Variants in ADGRB3 observed in about 807,000 individuals in gnomAD.
The protein encoded by ADGRB3 is brain-specific angiogenesis inhibitor 3.
In ADGRB3, 37 loss-of-function variants were observed where a neutral mutation model predicts 193.4. That is an observed-to-expected ratio of 0.19 (90% CI 0.15 to 0.25). ADGRB3 has a LOEUF of 0.25. Ranked by LOEUF, ADGRB3 falls within the 10% of genes least tolerant of loss-of-function variation. ADGRB3 has a pLI of 1.00. For missense variants in ADGRB3, 1,637 were observed against 1,852.9 expected (o/e 0.88, Z 2.14); for synonymous variants, 690 against 644.2 (o/e 1.07, Z -1.08).
intron 17 of ADGRB3, among the ~76,000 whole-genome samples, chr6:69,088,871 G>A (rs1772627216): frequency 6.6e-6 from 1 of 152,066 alleles, no homozygotes; most frequent in Non-Finnish European, 1.5e-5. Flanking sequence ...AAGCTGCAGT[G>A]CCTGCAAAGT....
chr6:69,005,453 A>G (rs920341851), intron 11 of ADGRB3, among the ~76,000 whole-genome samples: 2 of 152,102 alleles, frequency 1.3e-5, no homozygotes, highest in African/African-American at 4.8e-5. Flanking sequence ...TGAGATTAGT[A>G]TGAAAGACAA....
chr6:69,352,558 A>G (rs1769247960), intron 26 of ADGRB3, among the ~76,000 whole-genome samples: 1 of 152,236 alleles, frequency 6.6e-6, no homozygotes, highest in Non-Finnish European at 1.5e-5. Context: ...CACAGACATT[A>G]TGGCCACATC....
intron 3 of ADGRB3, among the ~76,000 whole-genome samples, chr6:68,918,422 A>G (rs1457258683): frequency 6.6e-6 from 1 of 152,206 alleles, no homozygotes; most frequent in African/African-American, 2.4e-5. Flanking sequence ...CTGAAAATAC[A>G]AAATCACTGG....
At chr6:68,719,069 T>A (rs1182335449) in intron 3 of ADGRB3, among the ~76,000 whole-genome samples, 2 of 151,780 alleles carry the variant, frequency 1.3e-5, no homozygotes, top group Non-Finnish European at 2.9e-5. Context: ...TTGTAGAGAG[T>A]TGGTACTCTT....
chr6:68,863,062 T>C (rs1016241829), intron 3 of ADGRB3, among the ~76,000 whole-genome samples: 16 of 152,202 alleles, frequency 1.1e-4, no homozygotes, highest in African/African-American at 3.9e-4. Context: ...TAATAATTAC[T>C]ATATTTTTTG....
intron 17 of ADGRB3, chr6:69,233,047 G>A: frequency 1.9e-6 from 1 of 531,410 alleles, no homozygotes; most frequent in African/African-American, 1.9e-5. Context: ...CCCGGTTTCA[G>A]CACCTCCGGC....
At chr6:69,372,732 G>A (rs1452886369) in intron 30 of ADGRB3, among the ~76,000 whole-genome samples, 1 of 152,006 alleles carries the variant, frequency 6.6e-6, no homozygotes, top group Non-Finnish European at 1.5e-5. Flanking sequence ...GGTTGATTCA[G>A]TTTGTAGGGA....
chr6:69,050,352 G>T (rs1459455188), intron 15 of ADGRB3, among the ~76,000 whole-genome samples: 2 of 152,058 alleles, frequency 1.3e-5, no homozygotes, highest in African/African-American at 4.8e-5. Flanking sequence ...GTCATGCAGG[G>T]TCTCCTTCAA....
intron 20 of ADGRB3, among the ~76,000 whole-genome samples, chr6:69,257,413 C>T (rs1361858208): frequency 6.6e-6 from 1 of 152,182 alleles, no homozygotes; most frequent in Non-Finnish European, 1.5e-5. Flanking sequence ...GATTCAACTT[C>T]TTCCTGGTTT....
intron 20 of ADGRB3, among the ~76,000 whole-genome samples, chr6:69,322,423 C>G (rs957310028): frequency 6.6e-6 from 1 of 151,994 alleles, no homozygotes; most frequent in East Asian, 1.9e-4. Context: ...TCTGAGGAAT[C>G]GCCACACTGT....
intron 16 of ADGRB3, among the ~76,000 whole-genome samples, chr6:69,068,697 T>C (rs1029175638): frequency 2.0e-5 from 3 of 152,138 alleles, no homozygotes; most frequent in African/African-American, 7.2e-5. Context: ...TCTCAGAAAT[T>C]AGAGAAGCAA....
At chr6:68,860,371 C>G in intron 3 of ADGRB3, among the ~76,000 whole-genome samples, 1 of 152,112 alleles carries the variant, frequency 6.6e-6, no homozygotes, top group East Asian at 1.9e-4. Flanking sequence ...GTTGATTTTT[C>G]AACTCTAATA....
chr6:69,314,801 A>G (rs1255091171), intron 20 of ADGRB3, among the ~76,000 whole-genome samples: 1 of 151,538 alleles, frequency 6.6e-6, no homozygotes, highest in East Asian at 1.9e-4. Flanking sequence ...TGAAGTGATA[A>G]TAACAAAAGG....
At chr6:68,849,984 AAT>A (rs1487349652) in intron 3 of ADGRB3, among the ~76,000 whole-genome samples, 1 of 149,914 alleles carries the variant, frequency 6.7e-6, no homozygotes, top group Admixed American at 6.6e-5. Context: ...TCCTGTTTAA[AAT>A]ATGTGTGATA....
At chr6:68,796,358 T>C (rs964650738) in intron 3 of ADGRB3, among the ~76,000 whole-genome samples, 42 of 152,160 alleles carry the variant, frequency 2.8e-4, no homozygotes, top group Non-Finnish European at 5.9e-5. Context: ...TAATATATTA[T>C]ATGTCTAAAC....
chr6:68,972,146 C>A (rs1251200653), intron 8 of ADGRB3, among the ~76,000 whole-genome samples: 1 of 152,196 alleles, frequency 6.6e-6, no homozygotes, highest in Non-Finnish European at 1.5e-5. Flanking sequence ...TGTTTCTATT[C>A]CCAAGATATT....
chr6:68,792,711 A>G (rs535055640), intron 3 of ADGRB3, among the ~76,000 whole-genome samples: 1 of 152,130 alleles, frequency 6.6e-6, no homozygotes, highest in Non-Finnish European at 1.5e-5. Context: ...TAATATACGG[A>G]GTCTAAATTG....
At chr6:68,688,730 G>A (rs2802683) in intron 3 of ADGRB3, among the ~76,000 whole-genome samples, 70,309 of 151,888 alleles carry the variant, frequency 0.46, 16,471 homozygotes, top group East Asian at 0.6. Flanking sequence ...CCTCTGCAAG[G>A]GAAAGGTCCT....
chr6:69,051,823 T>A (rs1368873403), intron 15 of ADGRB3, among the ~76,000 whole-genome samples: 2 of 152,250 alleles, frequency 1.3e-5, no homozygotes, highest in Non-Finnish European at 2.9e-5. Context: ...ATTAATTCTT[T>A]TAAACTTCCC....
Sources: gnomAD v4.1 joint callset for allele counts (sites outside exome capture counted in the v4.1 genomes callset) on GRCh38, gnomAD v4.1.1 for gene constraint, MANE v1.5 for transcripts, NCBI Gene and HGNC (gene_info 2026-07-23, HGNC 2026-07-21) for gene names.